TRIM24: variants seen among roughly 807,000 people sequenced by gnomAD.
TRIM24 encodes the protein transcription intermediary factor 1-alpha.
Under a neutral mutation model 123.9 loss-of-function variants are expected in TRIM24, and 29 were observed. The observed-to-expected ratio is 0.23, with a 90% confidence interval of 0.17 to 0.32. The LOEUF (loss-of-function observed/expected upper bound fraction) is 0.32, where lower values mean the gene tolerates loss of function less well. Ranked by LOEUF, TRIM24 falls within the 10% of genes least tolerant of loss-of-function variation. The pLI is 1.00. For missense variants in TRIM24, 932 were observed against 1,295.3 expected (o/e 0.72, Z 4.31); for synonymous variants, 456 against 461.1 (o/e 0.99, Z 0.14).
intron 4 of TRIM24, among the ~76,000 whole-genome samples, chr7:138,523,729 C>T (rs7810516): frequency 0.37 from 48,189 of 131,306 alleles, 8,706 homozygotes; most frequent in Middle Eastern, 0.45. Context: ...CCAGCCTGGG[C>T]GACAGAGCGA....
At chr7:138,538,544 A>G (rs1796939293) in intron 6 of TRIM24, 113 bp from the exon 7 acceptor site, 2 of 1,171,768 alleles carry the variant, frequency 1.7e-6, no homozygotes, top group African/African-American at 1.5e-5. Flanking sequence ...TTTTAGTTTC[A>G]GTAAATTGAG....
intron 1 of TRIM24, among the ~76,000 whole-genome samples, chr7:138,489,295 C>A (rs189320601): frequency 1.3e-5 from 2 of 152,146 alleles, no homozygotes; most frequent in Non-Finnish European, 2.9e-5. Flanking sequence ...TCTTGACTCT[C>A]GATCCAATTT....
Position 138,504,424 on chromosome 7 carries a change from C to T in TRIM24, c.483+16C>T, listed in dbSNP as rs1249099189. The T allele has an allele frequency of 1.4e-5, 10 of 734,544 alleles. No individual in the cohort carries two copies. Among genetic ancestry groups the T allele is most frequent in the Admixed American group, 3.1e-5 (1 of 31,892 alleles). The allele number at this position is 734,544 out of a possible 1,614,324, so 45.5% of individuals were successfully genotyped here. On this transcript the variant is annotated intron_variant, in intron 2 of 18. Coordinates refer to ENST00000343526, the MANE Select transcript of TRIM24 (RefSeq NM_015905.3). ...GTCAAATCAGGTAAGTGTATTACATCTTGAACCTTTTGCCTGCCAGCTCTT... is the reference window on the plus strand; with the variant it reads ...GTCAAATCAGGTAAGTGTATTACATTTTGAACCTTTTGCCTGCCAGCTCTT...
At chr7:138,505,465 G>T (rs1237442533) in intron 2 of TRIM24, among the ~76,000 whole-genome samples, 4 of 152,008 alleles carry the variant, frequency 2.6e-5, no homozygotes, top group Non-Finnish European at 5.9e-5. Flanking sequence ...CTTCTTTTCT[G>T]CATGGTCTTA....
rs769874909 is a variant in TRIM24, at chr7:138,573,548, G to A, written c.1920G>A (p.Arg640=). 6.2e-7 allele frequency: 1 copy of A among 1,612,874 alleles called. No homozygotes were observed. Among genetic ancestry groups the A allele is most frequent in the Non-Finnish European group, 8.5e-7 (1 of 1,179,492 alleles). The change falls in exon 12 of 19, where the codon AGG becomes AGA. Residue 640 remains arginine, a synonymous_variant. Coordinates refer to ENST00000343526, the MANE Select transcript of TRIM24 (RefSeq NM_015905.3). ...CTATTATGCTGGACAATATTGTGAG[G>A]AAAGATACTAATATAGATCATGGCC... ...SSTIMLDNIV[R]KDTNIDHGQP...
At chr7:138,511,822 C>A (rs1455992824) in intron 2 of TRIM24, among the ~76,000 whole-genome samples, 1 of 152,142 alleles carries the variant, frequency 6.6e-6, no homozygotes, top group Non-Finnish European at 1.5e-5. Context: ...CACAATCATG[C>A]CTCCCAACAG....
chr7:138,508,684 T>TGCGC (rs747170764), intron 2 of TRIM24, among the ~76,000 whole-genome samples: 3 of 53,500 alleles, frequency 5.6e-5, no homozygotes, highest in Non-Finnish European at 8.1e-5. Flanking sequence ...TGTGTGTGTG[T>TGCGC]GTGTGTGTGC....
At chr7:138,537,388 T>G (rs113838399) in intron 6 of TRIM24, among the ~76,000 whole-genome samples, 13 of 126,616 alleles carry the variant, frequency 1.0e-4, no homozygotes, top group African/African-American at 2.4e-4. Context: ...TGTTTTTTTT[T>G]TTTTTTTTTT....
At chr7:138,491,396 GT>G (rs959183211) in intron 1 of TRIM24, 5 of 158,232 alleles carry the variant, frequency 3.2e-5, no homozygotes, top group African/African-American at 1.2e-4. Context: ...GTCCTTGGGA[GT>G]TTGCCTATTC....
chr7:138,472,763 C>CATT (rs1795299656), intron 1 of TRIM24, among the ~76,000 whole-genome samples: 1 of 152,182 alleles, frequency 6.6e-6, no homozygotes, highest in Non-Finnish European at 1.5e-5. Context: ...AAGATAAGGA[C>CATT]ATTGCCACAG....
intron 1 of TRIM24, among the ~76,000 whole-genome samples, chr7:138,484,807 G>A (rs1429178995): frequency 6.6e-6 from 1 of 152,168 alleles, no homozygotes; most frequent in African/African-American, 2.4e-5. Context: ...TATGGTAGCA[G>A]TCAGGGACTG....
chr7:138,504,183 T>TAAAGAGAACGGACATTG (rs1796099145), intron 1 of TRIM24, 107 bp from the exon 2 acceptor site: 1 of 630,276 alleles, frequency 1.6e-6, no homozygotes, highest in African/African-American at 2.0e-5. Flanking sequence ...GGTATGAATT[T>TAAAGAGAACGGACATTG]AAAAAGAATG....
chr7:138,565,174 A>G (rs1051436464), intron 9 of TRIM24, among the ~76,000 whole-genome samples: 2 of 151,864 alleles, frequency 1.3e-5, no homozygotes, highest in African/African-American at 4.8e-5. Context: ...TTTCACATGC[A>G]CTCACACACT....
chr7:138,526,454 T>TA (rs1177224412), intron 5 of TRIM24, among the ~76,000 whole-genome samples: 14 of 152,132 alleles, frequency 9.2e-5, no homozygotes, highest in African/African-American at 3.4e-4. Context: ...TGTTTTTTGT[T>TA]TTTTTTTGAG....
chr7:138,581,613 G>A (rs2116693568), intron 16 of TRIM24, 84 bp from the exon 17 acceptor site: 1 of 1,159,596 alleles, frequency 8.6e-7, no homozygotes, highest in Non-Finnish European at 1.2e-6. Context: ...GACACTTTGG[G>A]ACCTCTGAGA....
chr7:138,584,177 G>A (rs548439710), intron 18 of TRIM24, among the ~76,000 whole-genome samples, 178 bp downstream of exon 18: 1 of 152,268 alleles, frequency 6.6e-6, no homozygotes, highest in South Asian at 2.1e-4. Context: ...ATATTCAAAG[G>A]TTTATTAGAT....
intron 6 of TRIM24, among the ~76,000 whole-genome samples, chr7:138,536,388 G>C (rs1796874008): frequency 6.6e-6 from 1 of 152,132 alleles, no homozygotes; most frequent in Non-Finnish European, 1.5e-5. Context: ...GTACAGATGG[G>C]GTTTTGGTGT....
intron 1 of TRIM24, chr7:138,491,229 T>C (rs2116499052): frequency 8.3e-6 from 2 of 241,610 alleles, no homozygotes; most frequent in South Asian, 6.2e-5. Flanking sequence ...GTTTTGGTGA[T>C]TAGTGTCTTT....
intron 10 of TRIM24, among the ~76,000 whole-genome samples, chr7:138,569,626 G>A (rs1797612109): frequency 6.6e-6 from 1 of 152,146 alleles, no homozygotes; most frequent in South Asian, 2.1e-4. Context: ...GCATAGAGGT[G>A]GGGAATATGA....
Sources: gnomAD v4.1 joint callset for allele counts (sites outside exome capture counted in the v4.1 genomes callset) on GRCh38, gnomAD v4.1.1 for gene constraint, MANE v1.5 for transcripts, NCBI Gene and HGNC (gene_info 2026-07-23, HGNC 2026-07-21) for gene names.